DMXL2: variants seen among roughly 807,000 people sequenced by gnomAD.
The protein encoded by DMXL2 is Dmx like 2, also known as dmX-like protein 2.
DMXL2 carries 103 observed loss-of-function variants against 331.1 expected under a neutral mutation model. The observed-to-expected ratio is 0.31, with a 90% confidence interval of 0.27 to 0.37. The LOEUF (loss-of-function observed/expected upper bound fraction) is 0.37. DMXL2 is among the 10% of genes least tolerant of loss of function. DMXL2 has a pLI of 1.00. For synonymous variants in DMXL2, 1,281 were observed against 1,252.1 expected (o/e 1.02, Z -0.49); for missense variants, 3,171 against 3,642.9 (o/e 0.87, Z 3.33).
chr15:51,538,460 A>C lies in DMXL2; in HGVS notation c.1106-8T>G. 6.4e-7 allele frequency: 1 copy of C among 1,564,346 alleles called. No individual in the cohort carries two copies. Among genetic ancestry groups the C allele is most frequent in the Non-Finnish European group, 8.6e-7 (1 of 1,158,064 alleles). On this transcript the variant is annotated splice_region_variant and splice_polypyrimidine_tract_variant and intron_variant, in intron 9 of 43. Coordinates refer to ENST00000560891, the MANE Select transcript of DMXL2 (RefSeq NM_001378457.1). ...CCAAGACATTTGGAATATCTGTGGA[A>C]ATAAAAGAGATTTCAATATAATTTT...
At chr15:51,520,333 A>T (rs2047283243) in intron 13 of DMXL2, among the ~76,000 whole-genome samples, 1 of 152,250 alleles carries the variant, frequency 6.6e-6, no homozygotes, top group Non-Finnish European at 1.5e-5. Flanking sequence ...AACTGACAGC[A>T]TTGGACAGAG....
rs941935655 is a variant in DMXL2, at chr15:51,537,758, A to T, written c.1347T>A (p.Asp449Glu). 2 of 1,609,776 alleles carry T rather than the reference A, an allele frequency of 1.2e-6. No individual in the cohort carries two copies. The highest frequency in any genetic ancestry group is 1.7e-6 in the Non-Finnish European group (2 of 1,177,516). Residue 449 changes from aspartate to glutamate, a missense_variant and splice_region_variant, in exon 11 of 44, where the codon GAT becomes GAA. Physicochemically the swap from Asp to Glu is conservative, Grantham distance 45. Coordinates refer to ENST00000560891, the MANE Select transcript of DMXL2 (RefSeq NM_001378457.1). ...CCTCAGATTCTCTATCCAGGGATAAATCTGAACCAGAAAATATATTTATCA... is the reference window on the plus strand; with the variant it reads ...CCTCAGATTCTCTATCCAGGGATAATTCTGAACCAGAAAATATATTTATCA... ...ERGLHMKLDH[D>E]LSLDRESEAG...
chr15:51,482,854 G>C (rs945238862), intron 23 of DMXL2, among the ~76,000 whole-genome samples: 5 of 152,188 alleles, frequency 3.3e-5, no homozygotes, highest in African/African-American at 1.2e-4. Context: ...CGAAAAGAAA[G>C]GACCAAGGCA....
chr15:51,568,597 G>A lies in DMXL2; in HGVS notation c.214-39C>T, dbSNP rs145601444. ...AATACAGCATTAATATCTAGAAAAG[G>A]GTAAAATAAAGATATCTTCCTTTTC... On this transcript the variant is annotated intron_variant, in intron 2 of 43. Transcript: ENST00000560891. 306 of 1,320,302 alleles carry A rather than the reference G, an allele frequency of 2.3e-4. 1 individual carries two copies. In the African/African-American group the frequency reaches 3.8e-3, roughly 17 times the overall value. 81.8% of individuals were successfully genotyped at this position (1,320,302 alleles called of 1,614,324 possible).
intron 1 of DMXL2, among the ~76,000 whole-genome samples, chr15:51,619,110 A>G (rs2054472854): frequency 6.6e-6 from 1 of 152,246 alleles, no homozygotes; most frequent in Admixed American, 6.5e-5. Flanking sequence ...TATCTTTCAG[A>G]AAAGTAATAA....
At chr15:51,606,713 C>G (rs896856058) in intron 1 of DMXL2, among the ~76,000 whole-genome samples, 7 of 151,962 alleles carry the variant, frequency 4.6e-5, no homozygotes, top group African/African-American at 9.7e-5. Flanking sequence ...ATCTATCACA[C>G]AAGGAAAAAA....
At chr15:51,540,099 A>T (rs2048505504) in intron 9 of DMXL2, among the ~76,000 whole-genome samples, 1 of 152,212 alleles carries the variant, frequency 6.6e-6, no homozygotes, top group African/African-American at 2.4e-5. Context: ...CTATGTAGTA[A>T]TCTTGCTCAG....
Position 51,499,116 on chromosome 15 carries a change from G to C in DMXL2, c.4108C>G (p.His1370Asp). The C allele has an allele frequency of 6.2e-7, 1 of 1,614,088 alleles. No homozygotes were observed. The highest frequency in any genetic ancestry group is 8.5e-7 in the Non-Finnish European group (1 of 1,180,020). Residue 1370 changes from histidine (H) to aspartate (D), a missense_variant, in exon 18 of 44, where the codon CAT becomes GAT. Transcript: ENST00000560891. ...KVRRAKAILS[H>D]LVKCIAGEVA... ...TCACCTGCAATACATTTTACTAAAT[G>C]AGAGAGAATGGCTTTAGCCCTTCGC...
rs1485595567 is a variant in DMXL2, at chr15:51,507,229, T to A, written c.2669A>T (p.Glu890Val). ...CTCAATTACTACTAGAAAGAACTTT[T>A]CTGAAAATGGTGGTGGGCGGTATCC... Reference protein sequence around the residue: ...SQGYRPPPFSEKFFLVVIEKD... With the variant: ...SQGYRPPPFSVKFFLVVIEKD... Residue 890 changes from glutamate (E) to valine (V), a missense_variant, in exon 16 of 44, where the codon GAA (glutamate) becomes GTA (valine). Transcript: ENST00000560891. 1 of 1,610,980 alleles carries A rather than the reference T, an allele frequency of 6.2e-7. No homozygotes were observed. Among genetic ancestry groups the A allele is most frequent in the African/African-American group, 1.3e-5 (1 of 74,834 alleles).
At chr15:51,569,991 C>A (rs750513663) in intron 2 of DMXL2, among the ~76,000 whole-genome samples, 36 of 152,066 alleles carry the variant, frequency 2.4e-4, no homozygotes, top group Admixed American at 2.0e-3. Flanking sequence ...TAACAAACTC[C>A]TCCAAGCTAA....
chr15:51,486,827 T>C (rs921571700), intron 22 of DMXL2, among the ~76,000 whole-genome samples: 1 of 152,182 alleles, frequency 6.6e-6, no homozygotes, highest in African/African-American at 2.4e-5. Flanking sequence ...TGAGGTCATT[T>C]AGGCAATATG....
chr15:51,563,028 A>G (rs2050063798), intron 6 of DMXL2, among the ~76,000 whole-genome samples: 1 of 152,202 alleles, frequency 6.6e-6, no homozygotes, highest in South Asian at 2.1e-4. Context: ...GGACACAGGA[A>G]TTAGCGTTGG....
intron 2 of DMXL2, among the ~76,000 whole-genome samples, chr15:51,569,558 C>CAG (rs1346249728): frequency 6.6e-6 from 1 of 152,200 alleles, no homozygotes; most frequent in African/African-American, 2.4e-5. Context: ...TAGGGGCCTA[C>CAG]AGACACCACA....
At chr15:51,576,674 G>A (rs915563630) in intron 1 of DMXL2, among the ~76,000 whole-genome samples, 2 of 152,030 alleles carry the variant, frequency 1.3e-5, no homozygotes, top group African/African-American at 2.4e-5. Flanking sequence ...GAACAACAAA[G>A]GCAGAATTAC....
At chr15:51,507,837 G>A (rs1291569869) in intron 15 of DMXL2, among the ~76,000 whole-genome samples, 2 of 151,402 alleles carry the variant, frequency 1.3e-5, no homozygotes, top group Admixed American at 6.6e-5. Flanking sequence ...TTAAGTTGTG[G>A]GGGAAGGAGC....
chr15:51,576,439 G>C (rs1325717432), intron 1 of DMXL2, among the ~76,000 whole-genome samples: 1 of 152,100 alleles, frequency 6.6e-6, no homozygotes, highest in African/African-American at 2.4e-5. Context: ...TCTTAGAACA[G>C]CCACTGTTCC....
intron 40 of DMXL2, 69 bp from the exon 41 acceptor site, chr15:51,453,710 A>G: frequency 1.6e-6 from 2 of 1,259,718 alleles, no homozygotes; most frequent in Non-Finnish European, 1.2e-6. Context: ...ACCAACATAC[A>G]TGTCTGCTAA....
rs1567034498 is a variant in DMXL2, at chr15:51,500,091, T to C, written c.3133A>G (p.Ile1045Val). 6.2e-7 allele frequency: 1 copy of C among 1,614,146 alleles called. No homozygotes were observed. The highest frequency in any genetic ancestry group is 8.5e-7 in the Non-Finnish European group (1 of 1,180,004). ...AAAGGCCATCTCTTCCAATGATAAA[T>C]TTCTTTCTCATCACTTTTATTACAC... Reference protein sequence around the residue: ...PECNKSDEKEIYHWKRWPLMN... With the variant: ...PECNKSDEKEVYHWKRWPLMN... The change falls in exon 18 of 44, where the codon ATT becomes GTT. Residue 1045 changes from isoleucine (I) to valine (V), a missense_variant. Around this residue, in one of 7 missense-constraint regions of DMXL2, gnomAD observed 1,674 missense variants for 1,780.2 expected, o/e 0.94. Coordinates refer to ENST00000560891, the MANE Select transcript of DMXL2 (RefSeq NM_001378457.1).
intron 1 of DMXL2, among the ~76,000 whole-genome samples, chr15:51,604,480 A>G (rs1316852713): frequency 6.6e-6 from 1 of 152,068 alleles, no homozygotes; most frequent in African/African-American, 2.4e-5. Flanking sequence ...GAACAACTGG[A>G]AACAATTGGA....
Sources: gnomAD v4.1 joint callset for allele counts (sites outside exome capture counted in the v4.1 genomes callset) on GRCh38, gnomAD v4.1.1 for gene constraint, gnomAD v4.1.1 regional missense constraint, MANE v1.5 for transcripts, NCBI Gene and HGNC (gene_info 2026-07-23, HGNC 2026-07-21) for gene names.